MICU1: variants seen among roughly 807,000 people sequenced by gnomAD.
MICU1 encodes the protein calcium uptake protein 1, mitochondrial.
A neutral mutation model predicts 56.8 loss-of-function variants in MICU1; 45 were observed. That is an observed-to-expected ratio of 0.79 (90% CI 0.62 to 1.02). The LOEUF (loss-of-function observed/expected upper bound fraction) is 1.02, where lower values mean the gene tolerates loss of function less well. MICU1 is among the 50% of genes least tolerant of loss of function. The probability of loss-of-function intolerance (pLI) is 0.00; values close to 1 mark genes in which losing one functional copy is unlikely to be tolerated. For synonymous variants in MICU1, 186 were observed against 195.1 expected, an observed-to-expected ratio of 0.95 and a Z score of 0.39; for missense variants, 504 against 587.1, an observed-to-expected ratio of 0.86 and a Z score of 1.46.
chr10:72,404,210 G>T (rs1359629794), intron 10 of MICU1, among the ~76,000 whole-genome samples: 1 of 150,546 alleles, frequency 6.6e-6, no homozygotes, highest in African/African-American at 2.4e-5. Context: ...GGCTGGTCTT[G>T]AACTCCTGGC....
chr10:72,468,881 G>A (rs1222990524), intron 8 of MICU1, among the ~76,000 whole-genome samples: 2 of 152,086 alleles, frequency 1.3e-5, no homozygotes, highest in Non-Finnish European at 2.9e-5. Context: ...TTTCTTTAGA[G>A]TCCCAAATAA....
At chr10:72,436,272 G>A (rs1468171746) in intron 8 of MICU1, among the ~76,000 whole-genome samples, 1 of 152,102 alleles carries the variant, frequency 6.6e-6, no homozygotes, top group Non-Finnish European at 1.5e-5. Flanking sequence ...AGGCAAACAG[G>A]GTCTGGAGTG....
chr10:72,490,941 T>C (rs1328232946), intron 6 of MICU1, among the ~76,000 whole-genome samples: 2 of 152,198 alleles, frequency 1.3e-5, no homozygotes, highest in Non-Finnish European at 1.5e-5. Context: ...TTCCTCCTAC[T>C]AGTGGAAAGA....
intron 6 of MICU1, among the ~76,000 whole-genome samples, chr10:72,504,647 A>G (rs1867184261): frequency 6.6e-6 from 1 of 152,206 alleles, no homozygotes; most frequent in African/African-American, 2.4e-5. Context: ...TAAACTAAAG[A>G]GTCTCTGCAA....
chr10:72,490,918 C>T (rs1277240572), intron 6 of MICU1, among the ~76,000 whole-genome samples: 1 of 152,146 alleles, frequency 6.6e-6, no homozygotes, highest in Non-Finnish European at 1.5e-5. Flanking sequence ...TGTCTTCGTC[C>T]AGATCTGAGG....
chr10:72,465,055 C>CAATG (rs1199621849), intron 8 of MICU1, among the ~76,000 whole-genome samples: 3 of 152,136 alleles, frequency 2.0e-5, no homozygotes, highest in African/African-American at 7.2e-5. Context: ...GGCTGGAGTG[C>CAATG]AATGGTGTGA....
At chr10:72,477,414 T>G in intron 6 of MICU1, 158 bp from the exon 7 acceptor site, 1 of 1,265,380 alleles carries the variant, frequency 7.9e-7, no homozygotes, top group East Asian at 2.5e-5. Context: ...ACTGCATTTA[T>G]TGAGATCACC....
chr10:72,485,544 G>A (rs1310272962), intron 6 of MICU1, among the ~76,000 whole-genome samples: 11 of 149,800 alleles, frequency 7.3e-5, no homozygotes, highest in Admixed American at 2.7e-4. Flanking sequence ...ATTAATGTCC[G>A]TTTCCAGTTA....
At chr10:72,517,790 T>A (rs1867694501) in intron 5 of MICU1, among the ~76,000 whole-genome samples, 1 of 152,036 alleles carries the variant, frequency 6.6e-6, no homozygotes, top group Non-Finnish European at 1.5e-5. Flanking sequence ...ACTTTTTTTT[T>A]TTTTTTAAAG....
At chr10:72,576,085 G>A (rs191741626) in intron 1 of MICU1, among the ~76,000 whole-genome samples, 1 of 151,910 alleles carries the variant, frequency 6.6e-6, no homozygotes, top group African/African-American at 2.4e-5. Context: ...ATGGTGGTGG[G>A]AGCCTGTAAT....
At chr10:72,595,308 CG>C (rs1411952573) in intron 1 of MICU1, among the ~76,000 whole-genome samples, 2 of 151,558 alleles carry the variant, frequency 1.3e-5, no homozygotes, top group Admixed American at 6.6e-5. Flanking sequence ...AAAAATTAGC[CG>C]GGCAGGGTGG....
intron 9 of MICU1, among the ~76,000 whole-genome samples, chr10:72,418,623 TACC>T (rs201276664): frequency 0.014 from 2,168 of 152,320 alleles, 44 homozygotes; most frequent in African/African-American, 0.048. Flanking sequence ...AAAAATTTAA[TACC>T]ACCACTAGGA....
chr10:72,422,217 T>C (rs905392666), intron 9 of MICU1, among the ~76,000 whole-genome samples: 2 of 152,182 alleles, frequency 1.3e-5, no homozygotes, highest in African/African-American at 4.8e-5. Flanking sequence ...TCTCCCTCTC[T>C]TCATGTACAC....
chr10:72,456,051 T>C lies in MICU1; in HGVS notation c.933+19049A>G, dbSNP rs557632437. Among the ~76,000 whole-genome samples the C allele has an allele frequency of 1.2e-3, 181 of 152,306 alleles. 2 individuals are homozygous for C. Among genetic ancestry groups the C allele is most frequent in the Non-Finnish European group, 2.1e-3 (145 of 68,024 alleles). Reference sequence around the variant, plus strand: ...GGAAGGGAATGAGGTTGCAACTCTCTATTCACTAGACTCAAAGCTAATGAA... The same window carrying C: ...GGAAGGGAATGAGGTTGCAACTCTCCATTCACTAGACTCAAAGCTAATGAA... On this transcript the variant is annotated intron_variant, in intron 8 of 11. Transcript: ENST00000361114.
chr10:72,436,077 A>C (rs569001264), intron 8 of MICU1, among the ~76,000 whole-genome samples: 1 of 152,350 alleles, frequency 6.6e-6, no homozygotes, highest in South Asian at 2.1e-4. Flanking sequence ...AATGGACAGA[A>C]TGCCTCTTCA....
intron 1 of MICU1, among the ~76,000 whole-genome samples, chr10:72,616,972 C>A (rs1841997641): frequency 6.6e-6 from 1 of 152,224 alleles, no homozygotes; most frequent in South Asian, 2.1e-4. Flanking sequence ...CCAGAGCAAT[C>A]ATAGACCTCA....
chr10:72,375,331 A>T (rs1862482067), intron 11 of MICU1, among the ~76,000 whole-genome samples: 1 of 152,206 alleles, frequency 6.6e-6, no homozygotes, highest in Non-Finnish European at 1.5e-5. Context: ...ATGACAGAGC[A>T]GAGTGGCCAC....
chr10:72,592,022 T>G (rs1235903047), intron 1 of MICU1, among the ~76,000 whole-genome samples: 1 of 150,558 alleles, frequency 6.6e-6, no homozygotes, highest in Non-Finnish European at 1.5e-5. Flanking sequence ...TTGTTTTTTT[T>G]TTTTTGAGAC....
At chr10:72,519,223 C>T (rs1378571092) in intron 5 of MICU1, among the ~76,000 whole-genome samples, 1 of 152,200 alleles carries the variant, frequency 6.6e-6, no homozygotes, top group Admixed American at 6.5e-5. Flanking sequence ...AATGTGCTAA[C>T]TTAAATGAAC....
Sources: allele counts gnomAD v4.1 joint callset (sites outside exome capture counted in the v4.1 genomes callset), GRCh38; gene constraint gnomAD v4.1.1; transcripts MANE v1.5; gene names NCBI Gene and HGNC (gene_info 2026-07-23, HGNC 2026-07-21).